Variants in HNF4G observed in about 807,000 individuals in gnomAD.
HNF4G encodes the protein hepatocyte nuclear factor 4 gamma, also known as hepatocyte nuclear factor 4-gamma.
Under a neutral mutation model 50.9 loss-of-function variants are expected in HNF4G, and 21 were observed. The observed-to-expected ratio is 0.41, with a 90% CI of 0.29 to 0.59. The LOEUF (loss-of-function observed/expected upper bound fraction) is 0.59. Ranked by LOEUF, HNF4G falls within the 20% of genes least tolerant of loss-of-function variation. The pLI is 0.26. For missense variants in HNF4G, 527 were observed against 559.4 expected (o/e 0.94, Z 0.58); for synonymous variants, 198 against 185.6 (o/e 1.07, Z -0.54).
At chr8:75,492,679 A>G (rs186475271) in intron 2 of HNF4G, among the ~76,000 whole-genome samples, 113 of 152,246 alleles carry the variant, frequency 7.4e-4, no homozygotes, top group Non-Finnish European at 4.0e-4. Context: ...AGGGGGTTAC[A>G]ATGATTTGTC....
intron 1 of HNF4G, among the ~76,000 whole-genome samples, chr8:75,450,438 T>C (rs1430219827): frequency 6.6e-6 from 1 of 152,204 alleles, no homozygotes; most frequent in Non-Finnish European, 1.5e-5. Context: ...TTTCATATTC[T>C]TTGAATAGAT....
At chr8:75,425,641 G>A (rs1810875892) in intron 1 of HNF4G, among the ~76,000 whole-genome samples, 2 of 148,724 alleles carry the variant, frequency 1.3e-5, no homozygotes. Context: ...CCATTGCTAT[G>A]CCACATAGGA....
intron 1 of HNF4G, among the ~76,000 whole-genome samples, chr8:75,477,739 G>A (rs1189280391): frequency 6.6e-6 from 1 of 151,426 alleles, no homozygotes; most frequent in African/African-American, 2.4e-5. Context: ...AGGCCGAAGT[G>A]GGCAGATCAC....
rs1398337542 is a variant in HNF4G, at chr8:75,472,696, T to C, written c.-143-17393T>C. The stretch of plus-strand genomic sequence containing the variant: ...TAGTATGATATAACAATGAAATGGG[T>C]GAAATAGGTAAATCCATTAAGAAGA... On this transcript the variant is annotated intron_variant, in intron 1 of 10. Coordinates refer to the HNF4G transcript ENST00000354370. 2.6e-5 allele frequency among the ~76,000 whole-genome samples: 4 copies of C among 152,068 alleles called. No individual in the cohort carries two copies. The East Asian group carries it at 7.7e-4, about 29-fold the overall frequency.
At chr8:75,507,487 T>C (rs1805624270) in intron 2 of HNF4G, among the ~76,000 whole-genome samples, 1 of 152,126 alleles carries the variant, frequency 6.6e-6, no homozygotes, top group Non-Finnish European at 1.5e-5. Context: ...TCTCGAACTC[T>C]TGACCTCGTG....
intron 1 of HNF4G, among the ~76,000 whole-genome samples, chr8:75,476,040 C>G (rs1812230916): frequency 6.6e-6 from 1 of 152,120 alleles, no homozygotes; most frequent in East Asian, 1.9e-4. Flanking sequence ...GTGTACCCAT[C>G]ATTCAAATAG....
At chr8:75,549,301 T>C (rs970071861) in intron 3 of HNF4G, among the ~76,000 whole-genome samples, 4 of 152,156 alleles carry the variant, frequency 2.6e-5, no homozygotes, top group East Asian at 1.9e-4. Context: ...TCAAAAATGA[T>C]AGCACTGAGA....
chr8:75,514,871 T>C (rs1358826358), intron 2 of HNF4G, among the ~76,000 whole-genome samples: 2 of 152,114 alleles, frequency 1.3e-5, no homozygotes, highest in Non-Finnish European at 1.5e-5. Flanking sequence ...TCTTTCAACC[T>C]CCCTCCATTT....
chr8:75,440,736 A>G, intron 1 of HNF4G, among the ~76,000 whole-genome samples: 1 of 152,366 alleles, frequency 6.6e-6, no homozygotes, highest in East Asian at 1.9e-4. Flanking sequence ...TTAGCTAATA[A>G]TGTTAAATTA....
At chr8:75,532,940 CTT>C (rs577950966) in intron 2 of HNF4G, among the ~76,000 whole-genome samples, 73 of 152,100 alleles carry the variant, frequency 4.8e-4, no homozygotes, top group Non-Finnish European at 8.8e-4. Flanking sequence ...CTATTTGTCT[CTT>C]TATACAGATA....
At chr8:75,421,206 G>C (rs768354639) in intron 1 of HNF4G, among the ~76,000 whole-genome samples, 2 of 152,136 alleles carry the variant, frequency 1.3e-5, no homozygotes, top group Non-Finnish European at 2.9e-5. Context: ...TTCATGGTAG[G>C]TCTTGGAAAT....
chr8:75,465,207 A>G (rs1811941955), intron 1 of HNF4G, among the ~76,000 whole-genome samples: 1 of 152,194 alleles, frequency 6.6e-6, no homozygotes, highest in Non-Finnish European at 1.5e-5. Flanking sequence ...TATAGACTCT[A>G]TGCAAAAATT....
intron 1 of HNF4G, among the ~76,000 whole-genome samples, chr8:75,443,033 C>G (rs1024647565): frequency 1.3e-5 from 2 of 152,100 alleles, no homozygotes; most frequent in East Asian, 3.9e-4. Context: ...GAGGGTGGGG[C>G]CTTTAGGAGG....
intron 1 of HNF4G, among the ~76,000 whole-genome samples, chr8:75,414,796 T>C (rs1810593551): frequency 6.6e-6 from 1 of 152,256 alleles, no homozygotes; most frequent in Non-Finnish European, 1.5e-5. Flanking sequence ...ATCCATTCAC[T>C]TGATGAACAT....
intron 2 of HNF4G, among the ~76,000 whole-genome samples, chr8:75,505,555 G>A (rs1813054851): frequency 1.3e-5 from 2 of 152,078 alleles, no homozygotes; most frequent in South Asian, 4.1e-4. Context: ...TATGAACAAA[G>A]TTAAAGCAAA....
chr8:75,530,132 C>T (rs1806290838), intron 2 of HNF4G, among the ~76,000 whole-genome samples: 1 of 152,086 alleles, frequency 6.6e-6, no homozygotes, highest in Admixed American at 6.6e-5. Context: ...TAGATTGTGC[C>T]GGCCTAAATA....
At chr8:75,456,040 T>C (rs114917332) in intron 1 of HNF4G, among the ~76,000 whole-genome samples, 1,702 of 152,232 alleles carry the variant, frequency 0.011, 23 homozygotes, top group African/African-American at 0.038. Context: ...GACTAAGCGG[T>C]TATGAGATCT....
chr8:75,444,142 G>A (rs915775051), intron 1 of HNF4G, among the ~76,000 whole-genome samples: 1 of 151,828 alleles, frequency 6.6e-6, no homozygotes, highest in Non-Finnish European at 1.5e-5. Flanking sequence ...TTAAAGAAAA[G>A]AATTTTCAAC....
intron 1 of HNF4G, among the ~76,000 whole-genome samples, chr8:75,454,446 G>A (rs1258792375): frequency 6.6e-6 from 1 of 152,164 alleles, no homozygotes; most frequent in Admixed American, 6.5e-5. Flanking sequence ...ATTGAATGGT[G>A]TGTCTGGTAC....
Sources: gnomAD v4.1 joint callset for allele counts (sites outside exome capture counted in the v4.1 genomes callset) on GRCh38, gnomAD v4.1.1 for gene constraint, MANE v1.5 for transcripts, NCBI Gene and HGNC (gene_info 2026-07-23, HGNC 2026-07-21) for gene names.